UBR4: variants seen among roughly 807,000 people sequenced by gnomAD.
The protein encoded by UBR4 is E3 ubiquitin-protein ligase UBR4.
A neutral mutation model predicts 575.6 loss-of-function variants in UBR4; 124 were observed. The observed-to-expected ratio is 0.22, with a 90% CI of 0.19 to 0.25. UBR4 has a LOEUF of 0.25. UBR4 is among the 10% of genes least tolerant of loss of function. The pLI is 1.00. For missense variants in UBR4, 4,818 were observed against 6,478.8 expected, an observed-to-expected ratio of 0.74 and a Z score of 8.80; for synonymous variants, 2,455 against 2,473.7, an observed-to-expected ratio of 0.99 and a Z score of 0.22.
intron 62 of UBR4, among the ~76,000 whole-genome samples, 191 bp downstream of exon 62, chr1:19,128,020 T>A (rs986683602): frequency 6.6e-6 from 1 of 152,196 alleles, no homozygotes; most frequent in Non-Finnish European, 1.5e-5. Flanking sequence ...CCCTCAACTA[T>A]GCTCAGGGTC....
At chr1:19,170,470 T>C (rs2089344957) in intron 26 of UBR4, among the ~76,000 whole-genome samples, 1 of 152,246 alleles carries the variant, frequency 6.6e-6, no homozygotes, top group East Asian at 1.9e-4. Context: ...AATAGCCTTA[T>C]GCTTTGGAAC....
rs777242049 is a variant in UBR4 at position 19,106,631 on chromosome 1, G to A, written c.12331C>T (p.Arg4111Cys). The change falls in exon 83 of 106, where the codon CGT (arginine) becomes TGT (cysteine). Residue 4111 changes from arginine (R) to cysteine (C), a missense_variant. Physicochemically the swap from Arg to Cys is radical, Grantham distance 180. Transcript: ENST00000375254. ...YVWRWKQFLS[R>C]RGKRTSPLDL... ...AAGGGGGAGGTCCTCTTCCCCCGACGACTCAGGAACTGTTTCCACCTCCAC... is the reference window on the plus strand; with the variant it reads ...AAGGGGGAGGTCCTCTTCCCCCGACAACTCAGGAACTGTTTCCACCTCCAC... 24 of 1,606,708 alleles carry A rather than the reference G, an allele frequency of 1.5e-5. No individual in the cohort carries two copies. The Admixed American group carries it at 2.0e-4, about 14-fold the overall frequency.
At chr1:19,076,514 G>A (rs1019456507) in intron 105 of UBR4, among the ~76,000 whole-genome samples, 1 of 152,226 alleles carries the variant, frequency 6.6e-6, no homozygotes, top group East Asian at 1.9e-4. Flanking sequence ...ACAGTGAACA[G>A]CCCATGTCGG....
Position 19,152,533 on chromosome 1 carries a change from C to T in UBR4, c.6833-57G>A. Reference sequence around the variant, plus strand: ...CTCTCCCACCTCTGCCCCAACACCACTGGTAAAGACTCCTCCCAGACAGAG... The same window carrying T: ...CTCTCCCACCTCTGCCCCAACACCATTGGTAAAGACTCCTCCCAGACAGAG... On this transcript the variant is annotated intron_variant, in intron 46 of 105. Transcript: ENST00000375254. The surrounding 1 kb of genome is among the most constrained non-coding windows in gnomAD (Gnocchi z 4.4). 5 of 1,603,434 alleles carry T rather than the reference C, an allele frequency of 3.1e-6. No individual in the cohort carries two copies. Among genetic ancestry groups the T allele is most frequent in the Non-Finnish European group, 4.3e-6 (5 of 1,173,844 alleles).
At position 19,157,484 on chromosome 1, in the gene UBR4, C is replaced by A. The variant is rs990884828; in HGVS notation, c.5760+331G>T. Among the ~76,000 whole-genome samples the A allele has an allele frequency of 3.9e-5, 6 of 152,202 alleles. No homozygotes were observed. The highest frequency in any genetic ancestry group is 1.4e-4 in the African/African-American group (6 of 41,446). On this transcript the variant is annotated intron_variant, in intron 40 of 105. Coordinates refer to ENST00000375254, the MANE Select transcript of UBR4 (RefSeq NM_020765.3). The surrounding 1 kb of genome is among the most constrained non-coding windows in gnomAD (Gnocchi z 4.4). ...AAAACTTTTGTCTCTCAGCTTATGC[C>A]CGCCAGAGTGACCAAACAGGGCAAG...
intron 59 of UBR4, 143 bp from the exon 60 acceptor site, chr1:19,138,324 CTAAG>C (rs2083424265): frequency 2.4e-6 from 2 of 849,098 alleles, no homozygotes; most frequent in Non-Finnish European, 3.3e-6. Context: ...ATATGTAAAG[CTAAG>C]TAAGACCCCA....
chr1:19,120,429 G>A, intron 68 of UBR4, 81 bp from the exon 69 acceptor site: 1 of 1,497,310 alleles, frequency 6.7e-7, no homozygotes, highest in Non-Finnish European at 9.0e-7. Context: ...ACCAAATGGT[G>A]AGGGAGGGAA....
Position 19,156,930 on chromosome 1 carries a change from A to G in UBR4, c.5761-5T>C. 6.2e-7 allele frequency: 1 copy of G among 1,612,746 alleles called. No homozygotes were observed. Among genetic ancestry groups the G allele is most frequent in the South Asian group, 1.1e-5 (1 of 90,930 alleles). ...AGAGAGCTGCAGAACGGTGATCTGC[A>G]AAGGAACAATGACTAATTTATTCCT... On this transcript the variant is annotated splice_polypyrimidine_tract_variant and splice_region_variant and intron_variant, in intron 40 of 105. Transcript: ENST00000375254.
intron 11 of UBR4, among the ~76,000 whole-genome samples, chr1:19,191,345 C>T (rs1379805576): frequency 6.6e-6 from 1 of 152,152 alleles, no homozygotes; most frequent in East Asian, 1.9e-4. Context: ...GTGGCATTCA[C>T]CTGTAATCCC....
intron 11 of UBR4, among the ~76,000 whole-genome samples, chr1:19,188,411 A>G (rs947566465): frequency 4.6e-5 from 7 of 152,248 alleles, no homozygotes; most frequent in Admixed American, 3.9e-4. Context: ...AAACTTAGCC[A>G]GAAGTGGTGA....
Position 19,086,809 on chromosome 1 carries a change from G to A in UBR4, c.14557C>T (p.Leu4853=), listed in dbSNP as rs1297725425. 8 of 1,614,044 alleles carry A rather than the reference G, an allele frequency of 5.0e-6. No individual in the cohort carries two copies. The highest frequency in any genetic ancestry group is 6.8e-6 in the Non-Finnish European group (8 of 1,180,014). ...EGYKFQPTKV[L]GIYTFTKRVA... ...CGCTTCGTGAAGGTATAAATGCCCA[G>A]GACCTTTGTGGGCTGCAAAGACGAC... is the stretch of plus-strand genomic sequence containing the variant. The change falls in exon 100 of 106, where the codon CTG becomes TTG. Residue 4853 remains leucine, a synonymous_variant. Coordinates refer to ENST00000375254, the MANE Select transcript of UBR4 (RefSeq NM_020765.3).
In UBR4 at chr1:19,161,131, G is replaced by A. The variant is rs780811519; in HGVS notation, c.5192C>T (p.Thr1731Ile). Residue 1731 changes from threonine to isoleucine, a missense_variant, in exon 38 of 106, where the codon ACT becomes ATT. Transcript: ENST00000375254. Reference sequence around the variant, plus strand: ...GGTAGAGCTCATGCCACTGCTAGGAGTTCTCTTCACCAGAGCCTAGGGACA... The same window carrying A: ...GGTAGAGCTCATGCCACTGCTAGGAATTCTCTTCACCAGAGCCTAGGGACA... ...DGSCLALVKR[T>I]PSSGMSSTMK... is the part of the protein sequence containing the mutation. 1.9e-6 allele frequency: 3 copies of A among 1,613,944 alleles called. No individual in the cohort carries two copies. Among genetic ancestry groups the A allele is most frequent in the Non-Finnish European group, 2.5e-6 (3 of 1,179,994 alleles).
chr1:19,151,836 A>G lies in UBR4; in HGVS notation c.7020T>C (p.Ile2340=). The part of the protein sequence containing the change: ...NTKPGGFTIE[I]SNNNSTMVMT... The stretch of plus-strand genomic sequence containing the variant: ...TCACCATAGTGCTATTGTTGTTACT[A>G]ATCTCAATGGTGAAGCCTCCGGGCT... Residue 2340 remains isoleucine, a synonymous_variant, in exon 48 of 106, where the codon ATT becomes ATC. Transcript: ENST00000375254. The G allele has an allele frequency of 6.2e-7, 1 of 1,608,012 alleles. No individual in the cohort carries two copies. Among genetic ancestry groups the G allele is most frequent in the Non-Finnish European group, 8.5e-7 (1 of 1,176,298 alleles).
chr1:19,083,603 C>T (rs1261729603), intron 102 of UBR4, among the ~76,000 whole-genome samples: 8 of 152,198 alleles, frequency 5.3e-5, no homozygotes, highest in Admixed American at 3.9e-4. Context: ...GGTGTGATCA[C>T]GACTCACTGC....
intron 102 of UBR4, among the ~76,000 whole-genome samples, chr1:19,083,106 A>C (rs1212982236): frequency 6.6e-6 from 1 of 152,106 alleles, no homozygotes; most frequent in Non-Finnish European, 1.5e-5. Flanking sequence ...AAACATACTG[A>C]CACCTAGTCA....
In UBR4 at chr1:19,169,524, G is replaced by T. The variant is rs199864764; in HGVS notation, c.3652C>A (p.Leu1218Met). The T allele has an allele frequency of 4.6e-5, 74 of 1,613,494 alleles. No homozygotes were observed. In the African/African-American group the frequency reaches 8.7e-4, roughly 19 times the overall value. Residue 1218 changes from leucine to methionine, a missense_variant, in exon 27 of 106, where the codon CTG becomes ATG. Physicochemically the swap from Leu to Met is conservative, Grantham distance 15 (BLOSUM62 2). Transcript: ENST00000375254. ...ACTGACGATGGCAAATTCTGAACCA[G>T]TGTCGGACCTGGAGGCGACAGAAAG... ...RCKANTLGPT[L>M]VQNLPSSVQT...
rs376444417 is a variant in UBR4, at chr1:19,204,790, A to C, written c.177-2975T>G. On this transcript the variant is annotated intron_variant, in intron 1 of 105. Transcript: ENST00000375254. ...ATTGGTTTTGAAGACTTGAAGGAGGAAATAGAGAAGTAATGGACATTGTCA... is the reference window on the plus strand; with the variant it reads ...ATTGGTTTTGAAGACTTGAAGGAGGCAATAGAGAAGTAATGGACATTGTCA... Among the ~76,000 whole-genome samples the C allele has an allele frequency of 2.4e-4, 37 of 152,284 alleles. No homozygotes were observed. The East Asian group carries it at 7.0e-3, about 29-fold the overall frequency.
rs2086335832 is a variant in UBR4, at chr1:19,155,668, T to C, written c.6073A>G (p.Ile2025Val). 2 of 1,611,526 alleles carry C rather than the reference T, an allele frequency of 1.2e-6. No homozygotes were observed. Among genetic ancestry groups the C allele is most frequent in the African/African-American group, 1.3e-5 (1 of 74,974 alleles). Reference protein sequence around the residue: ...LAIVTADFVKIYDLCVDALSP... With the variant: ...LAIVTADFVKVYDLCVDALSP... ...AAGGCATCAACACACAGGTCATAAA[T>C]CTGCAGGATGGAAGAAAAATTAAAT... Residue 2025 changes from isoleucine (I) to valine (V), a missense_variant and splice_region_variant, in exon 43 of 106, where the codon ATT (isoleucine) becomes GTT (valine). Physicochemically the swap from Ile to Val is conservative, Grantham distance 29. Around this residue, in one of 29 missense-constraint regions of UBR4, gnomAD observed 461 missense variants for 606.9 expected, o/e 0.76. Coordinates refer to ENST00000375254, the MANE Select transcript of UBR4 (RefSeq NM_020765.3).
chr1:19,084,552 A>G lies in UBR4; in HGVS notation c.14960T>C (p.Ile4987Thr). 1 of 1,614,060 alleles carries G rather than the reference A, an allele frequency of 6.2e-7. No individual in the cohort carries two copies. Among genetic ancestry groups the G allele is most frequent in the Non-Finnish European group, 8.5e-7 (1 of 1,180,004 alleles). The change falls in exon 102 of 106, where the codon ATC (isoleucine) becomes ACC (threonine). Residue 4987 changes from isoleucine to threonine, a missense_variant. Physicochemically the swap from Ile to Thr is moderately conservative, Grantham distance 89 (BLOSUM62 -1). This residue lies in a region of UBR4 where 196 missense variants were observed against 386.8 expected (regional missense o/e 0.51). Transcript: ENST00000375254. ...DTGGGGRESN[I>T]HLIPYIIHTV... is the part of the protein sequence containing the mutation. Reference sequence around the variant, plus strand: ...GTGAATGATGTACGGGATCAGGTGGATGTTGCTCTCCCGGCCGCCCCCGCC... The same window carrying G: ...GTGAATGATGTACGGGATCAGGTGGGTGTTGCTCTCCCGGCCGCCCCCGCC...
Sources: allele counts gnomAD v4.1 joint callset (sites outside exome capture counted in the v4.1 genomes callset), GRCh38; gene constraint gnomAD v4.1.1; regional missense constraint gnomAD v4.1.1; non-coding constraint Gnocchi (gnomAD v3.1); transcripts MANE v1.5; gene names NCBI Gene and HGNC (gene_info 2026-07-23, HGNC 2026-07-21).